VAV2: variants seen among roughly 807,000 people sequenced by gnomAD.
VAV2 encodes vav guanine nucleotide exchange factor 2.
Under a neutral mutation model 132.5 loss-of-function variants are expected in VAV2, and 67 were observed. That is an observed-to-expected ratio of 0.51 (90% confidence interval 0.42 to 0.62). The LOEUF (loss-of-function observed/expected upper bound fraction) is 0.62. VAV2 is among the 20% of genes least tolerant of loss of function. The pLI, the probability that VAV2 is intolerant of heterozygous loss-of-function variation, is 0.00. For synonymous variants in VAV2, 492 were observed against 443.5 expected (o/e 1.11, Z -1.37); for missense variants, 938 against 1,153.6 (o/e 0.81, Z 2.71).
intron 19 of VAV2, among the ~76,000 whole-genome samples, chr9:133,782,783 T>C (rs1340809963): frequency 6.6e-6 from 1 of 152,242 alleles, no homozygotes; most frequent in Non-Finnish European, 1.5e-5. Context: ...CCTCAGTTTC[T>C]GGGGCTGATG....
At chr9:133,783,615 G>A in intron 18 of VAV2, 24 bp from the exon 19 acceptor site, 1 of 1,612,672 alleles carries the variant, frequency 6.2e-7, no homozygotes, top group Non-Finnish European at 8.5e-7. Context: ...GGCAGGAGGT[G>A]AGGTCGAGGC....
chr9:133,850,001 T>C (rs1557679), intron 3 of VAV2, among the ~76,000 whole-genome samples: 39,294 of 151,856 alleles, frequency 0.26, 6,825 homozygotes, highest in African/African-American at 0.5. Context: ...CCCCCTTCTC[T>C]CAGGCTTGTC....
At position 133,786,111 on chromosome 9, in the gene VAV2, A is replaced by G. The variant is rs576148667; in HGVS notation, c.1423-226T>C. 4.8e-5 allele frequency: 28 copies of G among 578,214 alleles called. No individual in the cohort carries two copies. The African/African-American group carries it at 5.1e-4, about 11-fold the overall frequency. The allele number at this position is 578,214 out of a possible 1,614,324, so 35.8% of individuals were successfully genotyped here. The stretch of plus-strand genomic sequence containing the variant: ...TGCATGCATGTATAGCTGTGTGCCC[A>G]TACCCTCACGTGAGAATACATATGC... On this transcript the variant is annotated intron_variant, in intron 16 of 29. Coordinates refer to ENST00000371850, the MANE Select transcript of VAV2 (RefSeq NM_001134398.2).
chr9:133,975,195 A>C (rs935971803), intron 1 of VAV2, among the ~76,000 whole-genome samples: 6 of 152,030 alleles, frequency 3.9e-5, no homozygotes, highest in African/African-American at 1.5e-4. Flanking sequence ...CAGGCACCCC[A>C]GCCTGCCCCG....
At chr9:133,915,280 G>A (rs1840036855) in intron 2 of VAV2, among the ~76,000 whole-genome samples, 1 of 152,184 alleles carries the variant, frequency 6.6e-6, no homozygotes, top group Non-Finnish European at 1.5e-5. Context: ...CGCCCTCCTT[G>A]TGATCACGTG....
Position 133,764,069 on chromosome 9 carries a change from A to T in VAV2, c.2630T>A (p.Ile877Asn), listed in dbSNP as rs748565136. ...TTGTCCACGTTCCTGCCGTCACTGG[A>T]TGCCCTCCTCTTCTACGTACGTTGA... is the stretch of plus-strand genomic sequence containing the variant. The part of the protein sequence containing the change: ...FPSTYVEEEG[I>N]Q Residue 877 changes from isoleucine (I) to asparagine (N), a missense_variant, in exon 30 of 30, where the codon ATC (isoleucine) becomes AAC (asparagine). Coordinates refer to ENST00000371850, the MANE Select transcript of VAV2 (RefSeq NM_001134398.2). 14 of 1,613,982 alleles carry T rather than the reference A, an allele frequency of 8.7e-6. 1 individual carries two copies. The South Asian group carries it at 1.5e-4, about 18-fold the overall frequency.
At chr9:133,867,807 C>A (rs2131888578) in intron 2 of VAV2, among the ~76,000 whole-genome samples, 1 of 152,356 alleles carries the variant, frequency 6.6e-6, no homozygotes, top group Non-Finnish European at 1.5e-5. Flanking sequence ...ACTGAGGATG[C>A]TAACAACTGC....
intron 15 of VAV2, among the ~76,000 whole-genome samples, chr9:133,787,710 G>T (rs1834283322): frequency 6.8e-6 from 1 of 146,002 alleles, no homozygotes; most frequent in Admixed American, 7.3e-5. Flanking sequence ...GCCAGCAATA[G>T]CCCTATAGCC....
chr9:133,777,740 G>A (rs1833867042), intron 22 of VAV2, among the ~76,000 whole-genome samples: 1 of 152,022 alleles, frequency 6.6e-6, no homozygotes, highest in Non-Finnish European at 1.5e-5. Flanking sequence ...ACCCGGGGAG[G>A]GACAGAGCAG....
intron 1 of VAV2, among the ~76,000 whole-genome samples, chr9:133,945,330 T>G (rs574247022): frequency 6.6e-6 from 1 of 152,074 alleles, no homozygotes; most frequent in Non-Finnish European, 1.5e-5. Context: ...GCCTTTGGGC[T>G]TGAGGGGCAG....
chr9:133,803,293 T>C (rs577397503), intron 9 of VAV2, among the ~76,000 whole-genome samples: 12 of 152,030 alleles, frequency 7.9e-5, no homozygotes, highest in Non-Finnish European at 1.6e-4. Flanking sequence ...CACAGAGAGC[T>C]CCTCTTGAAA....
chr9:133,828,590 C>G (rs1007725349), intron 4 of VAV2, among the ~76,000 whole-genome samples: 2 of 152,248 alleles, frequency 1.3e-5, no homozygotes, highest in African/African-American at 2.4e-5. Flanking sequence ...GTCCTTCTAC[C>G]GTGCGGAGAA....
At chr9:133,842,797 A>G (rs538644481) in intron 3 of VAV2, among the ~76,000 whole-genome samples, 20 of 152,306 alleles carry the variant, frequency 1.3e-4, no homozygotes, top group Admixed American at 5.2e-4. Flanking sequence ...TGGAGGGGCC[A>G]TGGGACCCCA....
At chr9:133,806,034 G>T in intron 9 of VAV2, 47 bp downstream of exon 9, 1 of 1,573,810 alleles carries the variant, frequency 6.4e-7, no homozygotes, top group Non-Finnish European at 8.7e-7. Flanking sequence ...AAACTCTCCC[G>T]CAGACAGGGA....
At chr9:133,905,074 C>A (rs1006380021) in intron 2 of VAV2, among the ~76,000 whole-genome samples, 2 of 152,150 alleles carry the variant, frequency 1.3e-5, no homozygotes, top group Non-Finnish European at 1.5e-5. Flanking sequence ...GGGCTCTGAG[C>A]AGCTGCCCTG....
At chr9:133,942,094 G>A (rs1841183971) in intron 1 of VAV2, among the ~76,000 whole-genome samples, 1 of 152,234 alleles carries the variant, frequency 6.6e-6, no homozygotes, top group Admixed American at 6.5e-5. Flanking sequence ...TGACCCTACT[G>A]GACGGTGCTC....
At chr9:133,830,029 G>A (rs974865546) in intron 4 of VAV2, among the ~76,000 whole-genome samples, 6 of 152,132 alleles carry the variant, frequency 3.9e-5, no homozygotes, top group East Asian at 1.9e-4. Flanking sequence ...AACGATGATC[G>A]TGTGAATGAA....
At chr9:133,909,728 A>T (rs1588353837) in intron 2 of VAV2, among the ~76,000 whole-genome samples, 1 of 152,236 alleles carries the variant, frequency 6.6e-6, no homozygotes, top group East Asian at 1.9e-4. Flanking sequence ...AGGCCGGAAG[A>T]AACACTCTGC....
intron 13 of VAV2, among the ~76,000 whole-genome samples, 163 bp downstream of exon 13, chr9:133,791,620 T>TG (rs1278402374): frequency 2.0e-5 from 3 of 149,284 alleles, no homozygotes. Context: ...GCGTGGATGC[T>TG]GGGGGTCTGA....
Sources: allele counts gnomAD v4.1 joint callset (sites outside exome capture counted in the v4.1 genomes callset), GRCh38; gene constraint gnomAD v4.1.1; transcripts MANE v1.5; gene names NCBI Gene and HGNC (gene_info 2026-07-23, HGNC 2026-07-21).